Variants in AGO2 observed in about 807,000 individuals in gnomAD.
The protein encoded by AGO2 is protein argonaute-2.
A neutral mutation model predicts 102.3 loss-of-function variants in AGO2; 5 were observed. The observed-to-expected ratio is 0.05, with a 90% CI of 0.03 to 0.10. The LOEUF (loss-of-function observed/expected upper bound fraction) is 0.10, where lower values mean the gene tolerates loss of function less well. AGO2 is among the 10% of genes least tolerant of loss of function. The pLI is 1.00. For synonymous variants in AGO2, 449 were observed against 473.1 expected (o/e 0.95, Z 0.66); for missense variants, 541 against 1,183.7 (o/e 0.46, Z 7.97).
Position 140,595,385 on chromosome 8 carries a change from G to A in AGO2, c.23-10074C>T, listed in dbSNP as rs2073810536. On this transcript the variant is annotated intron_variant, in intron 1 of 18. Transcript: ENST00000220592. ...AGAATTATAAAACAAAATATTTATC[G>A]TGATTATTCCTGAGTGGTCAAGCTA... Among the ~76,000 whole-genome samples, 4 of 151,836 alleles carry A rather than the reference G, an allele frequency of 2.6e-5. No homozygotes were observed. In the South Asian group the frequency reaches 6.2e-4, roughly 24 times the overall value.
At position 140,525,544 on chromosome 8, in the gene AGO2, G is replaced by C. The variant is rs1014820599; in HGVS notation, c.*6500C>G. On this transcript the variant is annotated 3_prime_UTR_variant, in exon 19 of 19. Coordinates refer to ENST00000220592, the MANE Select transcript of AGO2 (RefSeq NM_012154.5). ...CTTAGCTCTTCCGGAATGAAAGCAC[G>C]CAACGCAGCATAAAAAGCATCGAAA... 1 of 152,294 alleles carries C rather than the reference G, an allele frequency of 6.6e-6. No homozygotes were observed. Among genetic ancestry groups the C allele is most frequent in the African/African-American group, 2.4e-5 (1 of 41,464 alleles). 9.4% of individuals were successfully genotyped at this position (152,294 alleles called of 1,614,324 possible). A position where few individuals can be genotyped will look rare whatever the true frequency, so the allele number is the denominator to read the frequency against.
rs903111753 is a variant in AGO2, at chr8:140,635,613, C to T, written c.-107G>A. ...CCGCCGGCCGCACGATCCGCCCCGG[C>T]GCGGCCGCCTCGCCAAACAGGTTTA... On this transcript the variant is annotated 5_prime_UTR_variant, in exon 1 of 19. Transcript: ENST00000220592. The T allele has an allele frequency of 2.3e-5, 19 of 813,408 alleles. No homozygotes were observed. In the African/African-American group the frequency reaches 3.4e-4, roughly 14 times the overall value. The allele number at this position is 813,408 out of a possible 1,614,324, so 50.4% of individuals were successfully genotyped here. A position where few individuals can be genotyped will look rare whatever the true frequency, so the allele number is the denominator to read the frequency against.
At chr8:140,544,062 T>C in intron 14 of AGO2, 151 bp downstream of exon 14, 1 of 808,502 alleles carries the variant, frequency 1.2e-6, no homozygotes, top group Non-Finnish European at 1.9e-6. Context: ...TCCAGACACC[T>C]CTCTCCCACA....
chr8:140,627,121 C>T (rs1021493817), intron 1 of AGO2, among the ~76,000 whole-genome samples: 11 of 152,256 alleles, frequency 7.2e-5, no homozygotes, highest in Non-Finnish European at 1.3e-4. Flanking sequence ...TGCCCGCCAC[C>T]TTCCCGCCCT....
chr8:140,559,160 C>A (rs2073153925), intron 6 of AGO2, among the ~76,000 whole-genome samples: 1 of 152,204 alleles, frequency 6.6e-6, no homozygotes, highest in Non-Finnish European at 1.5e-5. Context: ...TCAGACGTGA[C>A]TGACTCCCCA....
At position 140,547,641 on chromosome 8, in the gene AGO2, G is replaced by C; in HGVS notation, c.1589-14C>G. 2 of 1,607,682 alleles carry C rather than the reference G, an allele frequency of 1.2e-6. No homozygotes were observed. The highest frequency in any genetic ancestry group is 1.7e-6 in the Non-Finnish European group (2 of 1,176,622). On this transcript the variant is annotated splice_polypyrimidine_tract_variant and intron_variant, in intron 12 of 18. Transcript: ENST00000220592. ...GCTTGACCTCGGCTAAGGGACATGA[G>C]AGGCACACACAGCTCTGCCGGCGCC...
rs2072582974 is a variant in AGO2 at position 140,530,875 on chromosome 8, A to T, written c.*1169T>A. ...AGCAATGCAAGAATAAATAATTTCCACTTGTGCTTCATCAGCTGAGTGAGT... is the reference window on the plus strand; with the variant it reads ...AGCAATGCAAGAATAAATAATTTCCTCTTGTGCTTCATCAGCTGAGTGAGT... On this transcript the variant is annotated 3_prime_UTR_variant, in exon 19 of 19. Coordinates refer to ENST00000220592, the MANE Select transcript of AGO2 (RefSeq NM_012154.5). 2.0e-5 allele frequency: 3 copies of T among 152,318 alleles called. No individual in the cohort carries two copies. Among genetic ancestry groups the T allele is most frequent in the African/African-American group, 7.2e-5 (3 of 41,446 alleles). The allele number at this position is 152,318 out of a possible 1,614,324, so 9.4% of individuals were successfully genotyped here.
intron 12 of AGO2, among the ~76,000 whole-genome samples, chr8:140,548,243 G>A (rs1248260428): frequency 6.6e-6 from 1 of 150,856 alleles, no homozygotes; most frequent in Non-Finnish European, 1.5e-5. Flanking sequence ...TTGAACTCAG[G>A]AGGCAGAGAT....
rs1052103348 is a variant in AGO2 at position 140,525,332 on chromosome 8, T to C, written c.*6712A>G. On this transcript the variant is annotated 3_prime_UTR_variant, in exon 19 of 19. Transcript: ENST00000220592. ...AGTCGAGGGGCGAGCGGCTGTGCAGTGTCCCCTCGAAACACCCTGGACCAG... is the reference window on the plus strand; with the variant it reads ...AGTCGAGGGGCGAGCGGCTGTGCAGCGTCCCCTCGAAACACCCTGGACCAG... 1 of 151,754 alleles carries C rather than the reference T, an allele frequency of 6.6e-6. No individual in the cohort carries two copies. Among genetic ancestry groups the C allele is most frequent in the African/African-American group, 2.4e-5 (1 of 41,262 alleles). The allele number at this position is 151,754 out of a possible 1,614,324, so 9.4% of individuals were successfully genotyped here. A position where few individuals can be genotyped will look rare whatever the true frequency, so the allele number is the denominator to read the frequency against.
chr8:140,605,057 A>C (rs150047144), intron 1 of AGO2, among the ~76,000 whole-genome samples: 55 of 152,146 alleles, frequency 3.6e-4, no homozygotes, highest in African/African-American at 1.3e-3. Context: ...GATACGTTAG[A>C]CTTTCTTTCC....
rs561396094 is a variant in AGO2 at position 140,549,305 on chromosome 8, G to A, written c.1404-7C>T. ...GAGCTGCTCTGTGAAGGACCTGCAG[G>A]AGAAGGCTCCGTTCACTACCGGGCA... On this transcript the variant is annotated splice_region_variant and splice_polypyrimidine_tract_variant and intron_variant, in intron 11 of 18. Transcript: ENST00000220592. 8.8e-6 allele frequency: 14 copies of A among 1,585,436 alleles called. No homozygotes were observed. Among genetic ancestry groups the A allele is most frequent in the African/African-American group, 6.7e-5 (5 of 74,594 alleles).
At chr8:140,573,045 T>C in intron 2 of AGO2, 113 bp from the exon 3 acceptor site, 1 of 1,328,052 alleles carries the variant, frequency 7.5e-7, no homozygotes, top group Non-Finnish European at 1.0e-6. Flanking sequence ...GTCTTGCTCT[T>C]GTGGCCCAGG....
intron 16 of AGO2, among the ~76,000 whole-genome samples, chr8:140,535,835 C>T (rs1342834374): frequency 6.6e-5 from 10 of 152,240 alleles, no homozygotes; most frequent in Non-Finnish European, 1.3e-4. Context: ...CTTTTCACTG[C>T]AGAACGTGCC....
rs758794900 is a variant in AGO2 at position 140,556,053 on chromosome 8, G to A, written c.1147-35C>T. On this transcript the variant is annotated intron_variant, in intron 9 of 18. Coordinates refer to ENST00000220592, the MANE Select transcript of AGO2 (RefSeq NM_012154.5). ...GGAAACAAGAAAACGCACGGAGTGG[G>A]TGGAGGCCTCCCATCTCTCTAGCAG... 29 of 1,612,832 alleles carry A rather than the reference G, an allele frequency of 1.8e-5. No homozygotes were observed. In the Middle Eastern group the frequency reaches 8.3e-4, roughly 46 times the overall value.
rs749081054 is a variant in AGO2 at position 140,572,833 on chromosome 8, G to C, written c.315C>G (p.Pro105=). 1.2e-6 allele frequency: 2 copies of C among 1,613,780 alleles called. No homozygotes were observed. Among genetic ancestry groups the C allele is most frequent in the Non-Finnish European group, 1.7e-6 (2 of 1,179,948 alleles). Residue 105 remains proline (P), a synonymous_variant, in exon 3 of 19, where the codon CCC becomes CCG. Transcript: ENST00000220592. ...DGRKNLYTAM[P]LPIGRDKVEL... ...TTACCTTGTCCCTCCCAATCGGAAGGGGCATGGCTGTGTATAGATTCTTCC... is the reference window on the plus strand; with the variant it reads ...TTACCTTGTCCCTCCCAATCGGAAGCGGCATGGCTGTGTATAGATTCTTCC...
intron 1 of AGO2, among the ~76,000 whole-genome samples, chr8:140,598,321 C>T (rs1221524684): frequency 1.3e-5 from 2 of 152,256 alleles, no homozygotes; most frequent in South Asian, 2.1e-4. Flanking sequence ...CAGCAGGACT[C>T]AACAGGAAGC....
In AGO2 at chr8:140,594,873, C is replaced by T. The variant is rs145692360; in HGVS notation, c.23-9562G>A. 6.2e-3 allele frequency among the ~76,000 whole-genome samples: 831 copies of T among 133,036 alleles called. 9 individuals are homozygous for T. The highest frequency in any genetic ancestry group is 0.021 in the African/African-American group (775 of 37,046). 87.3% of individuals were successfully genotyped at this position (133,036 alleles called of 152,430 possible). On this transcript the variant is annotated intron_variant, in intron 1 of 18. Coordinates refer to ENST00000220592, the MANE Select transcript of AGO2 (RefSeq NM_012154.5). ...TGTGTGTATTTCTCTAATTGCATGA[C>T]AAACTGGGAAATTTTTATGACATCA... is the stretch of plus-strand genomic sequence containing the variant.
intron 1 of AGO2, among the ~76,000 whole-genome samples, chr8:140,623,974 C>T (rs143853995): frequency 6.7e-6 from 1 of 149,750 alleles, no homozygotes; most frequent in East Asian, 2.0e-4. Flanking sequence ...AAGATGATCC[C>T]GGGGCAAGGA....
intron 2 of AGO2, among the ~76,000 whole-genome samples, chr8:140,575,031 C>T (rs1165717914): frequency 6.6e-6 from 1 of 152,188 alleles, no homozygotes; most frequent in Non-Finnish European, 1.5e-5. Context: ...ATCCAGCTAA[C>T]CTGCCCTCAA....
Sources: gnomAD v4.1 joint callset for allele counts (sites outside exome capture counted in the v4.1 genomes callset) on GRCh38, gnomAD v4.1.1 for gene constraint, MANE v1.5 for transcripts, NCBI Gene and HGNC (gene_info 2026-07-23, HGNC 2026-07-21) for gene names.